PCDHA5: variants seen among roughly 807,000 people sequenced by gnomAD.
The protein encoded by PCDHA5 is protocadherin alpha 5.
In PCDHA5, 43 loss-of-function variants were observed where a neutral mutation model predicts 61.6. The ratio of observed to expected loss-of-function variants is 0.70; its 90% CI spans 0.55 to 0.90. The LOEUF is 0.90. Among genes scored for constraint, PCDHA5 ranks in the 40% least tolerant of loss-of-function variants. PCDHA5 has a pLI of 0.00. For synonymous variants in PCDHA5, 627 were observed against 543.9 expected (o/e 1.15, Z -2.13); for missense variants, 1,298 against 1,222.7 (o/e 1.06, Z -0.92).
rs190430267 is a variant in PCDHA5 at position 140,870,766 on chromosome 5, C to A, written c.2352+46639C>A. The A allele has an allele frequency of 3.4e-4, 554 of 1,613,562 alleles. 3 individuals are homozygous for A. The African/African-American group carries it at 6.6e-3, about 19-fold the overall frequency. On this transcript the variant is annotated intron_variant, in intron 1 of 3. Coordinates refer to ENST00000529859, the MANE Select transcript of PCDHA5 (RefSeq NM_018908.3). ...CAACGTGACGCTGCAGGTGTTCGTG[C>A]TGGACGAGAACGACAACGCGCCGGC...
intron 1 of PCDHA5, chr5:140,930,305 T>C (rs1554207723): frequency 6.6e-6 from 1 of 152,252 alleles, no homozygotes; most frequent in Non-Finnish European, 1.5e-5. Flanking sequence ...TAAGTAAATA[T>C]CATATTTGAG....
At chr5:140,942,160 A>G (rs782205493) in intron 1 of PCDHA5, among the ~76,000 whole-genome samples, 11 of 152,218 alleles carry the variant, frequency 7.2e-5, no homozygotes, top group Non-Finnish European at 1.5e-4. Context: ...AACAGCTTCC[A>G]TATTTCTCTA....
Position 140,848,427 on chromosome 5 carries a change from A to G in PCDHA5, c.2352+24300A>G, listed in dbSNP as rs1781513413. The G allele has an allele frequency of 2.1e-6, 3 of 1,451,764 alleles. No homozygotes were observed. In the African/African-American group the frequency reaches 4.2e-5, roughly 20 times the overall value. The allele number at this position is 1,451,764 out of a possible 1,614,324, so 89.9% of individuals were successfully genotyped here. A position where few individuals can be genotyped will look rare whatever the true frequency, so the allele number is the denominator to read the frequency against. The stretch of plus-strand genomic sequence containing the variant: ...TGGCGAACACAGCAGAATGGGACTG[A>G]CGAAATCAGATGATTTCTTCTAATT... On this transcript the variant is annotated intron_variant, in intron 1 of 3. Coordinates refer to ENST00000529859, the MANE Select transcript of PCDHA5 (RefSeq NM_018908.3).
chr5:140,833,206 T>C (rs1215291957), intron 1 of PCDHA5, among the ~76,000 whole-genome samples: 2 of 151,926 alleles, frequency 1.3e-5, no homozygotes, highest in African/African-American at 4.8e-5. Context: ...GAGAATGAAA[T>C]AGGAATGGAC....
chr5:140,823,307 C>T lies in PCDHA5; in HGVS notation c.1532C>T (p.Ala511Val), dbSNP rs1581794358. ...CTGTCGAGTTACGTTTCGGTGCACG[C>T]GGAGAGCGGCAAGGTGTACGCGCTG... Reference protein sequence around the residue: ...RPLSSYVSVHAESGKVYALQP... With the variant: ...RPLSSYVSVHVESGKVYALQP... Residue 511 changes from alanine (A) to valine (V), a missense_variant, in exon 1 of 4, where the codon GCG (alanine) becomes GTG (valine). Transcript: ENST00000529859. 7 of 1,612,266 alleles carry T rather than the reference C, an allele frequency of 4.3e-6. No homozygotes were observed. In the East Asian group the frequency reaches 8.9e-5, roughly 21 times the overall value.
At chr5:140,946,345 G>A (rs1292610586) in intron 1 of PCDHA5, among the ~76,000 whole-genome samples, 1 of 151,836 alleles carries the variant, frequency 6.6e-6, no homozygotes, top group Non-Finnish European at 1.5e-5. Flanking sequence ...GTGATGGAGA[G>A]GATGTGGAGA....
chr5:140,903,367 T>G (rs1247838310), intron 1 of PCDHA5, among the ~76,000 whole-genome samples: 1 of 152,188 alleles, frequency 6.6e-6, no homozygotes, highest in African/African-American at 2.4e-5. Flanking sequence ...TTCAAAAATA[T>G]AGGGAGGATT....
intron 1 of PCDHA5, among the ~76,000 whole-genome samples, chr5:140,916,305 G>T (rs2077519382): frequency 1.3e-5 from 2 of 152,156 alleles, no homozygotes; most frequent in South Asian, 2.1e-4. Context: ...TGGTACCAAA[G>T]GTGCAAGACA....
chr5:140,823,190 A>G lies in PCDHA5; in HGVS notation c.1415A>G (p.His472Arg). 2 of 1,613,854 alleles carry G rather than the reference A, an allele frequency of 1.2e-6. No individual in the cohort carries two copies. The highest frequency in any genetic ancestry group is 1.1e-5 in the South Asian group (1 of 91,074). ...FVKENNPPGC[H>R]IFTVSARDAD... ...AAGGAGAACAACCCGCCAGGCTGCC[A>G]CATCTTCACGGTGTCTGCACGGGAC... Residue 472 changes from histidine (H) to arginine (R), a missense_variant, in exon 1 of 4, where the codon CAC becomes CGC. Transcript: ENST00000529859.
chr5:140,989,842 G>A (rs1411244835), intron 3 of PCDHA5, among the ~76,000 whole-genome samples: 1 of 152,178 alleles, frequency 6.6e-6, no homozygotes, highest in Non-Finnish European at 1.5e-5. Context: ...GTCAATGAGT[G>A]TGTGGACTGG....
chr5:140,981,502 A>G (rs2096935392), intron 2 of PCDHA5, among the ~76,000 whole-genome samples: 2 of 152,218 alleles, frequency 1.3e-5, no homozygotes, highest in Non-Finnish European at 2.9e-5. Flanking sequence ...TGAACCTGGG[A>G]GGCAGAGGTT....
rs116160554 is a variant in PCDHA5, at chr5:140,845,319, C to A, written c.2352+21192C>A. Among the ~76,000 whole-genome samples the A allele has an allele frequency of 3.7e-3, 557 of 149,574 alleles. 34 individuals carry two copies. Among genetic ancestry groups the A allele is most frequent in the African/African-American group, 0.011 (448 of 40,946 alleles). ...ATGTCTACCTGGTTCTCAGGTATTA[C>A]TTTAATTACTGAATTCTCCTAAACA... On this transcript the variant is annotated intron_variant, in intron 1 of 3. Coordinates refer to ENST00000529859, the MANE Select transcript of PCDHA5 (RefSeq NM_018908.3).
At chr5:140,856,659 A>C in intron 1 of PCDHA5, 1 of 1,598,186 alleles carries the variant, frequency 6.3e-7, no homozygotes, top group Non-Finnish European at 8.6e-7. Context: ...CGTGAAGAAA[A>C]TCCTCAGCTA....
chr5:140,842,803 T>A, intron 1 of PCDHA5: 2 of 1,594,132 alleles, frequency 1.3e-6, no homozygotes, highest in Non-Finnish European at 8.6e-7. Flanking sequence ...CCTACTCGCT[T>A]GTGGAGCGGC....
intron 1 of PCDHA5, among the ~76,000 whole-genome samples, chr5:140,912,002 A>T (rs1452427916): frequency 6.6e-6 from 1 of 152,236 alleles, no homozygotes; most frequent in Non-Finnish European, 1.5e-5. Flanking sequence ...ACAATAGGCC[A>T]TCTGCAAGCT....
At chr5:140,884,267 T>C in intron 1 of PCDHA5, 3 of 1,613,566 alleles carry the variant, frequency 1.9e-6, no homozygotes, top group South Asian at 1.1e-5. Context: ...AACGGTGCTG[T>C]TGTCGCTGGT....
At chr5:140,938,174 G>A (rs1394846002) in intron 1 of PCDHA5, among the ~76,000 whole-genome samples, 3 of 152,200 alleles carry the variant, frequency 2.0e-5, no homozygotes, top group Admixed American at 6.5e-5. Context: ...TGGAGCTCCT[G>A]GGCTCAAGCA....
In PCDHA5 at chr5:141,010,237, G is replaced by C; in HGVS notation, c.*300G>C. 2.6e-6 allele frequency: 4 copies of C among 1,551,914 alleles called. No individual in the cohort carries two copies. The highest frequency in any genetic ancestry group is 3.5e-6 in the Non-Finnish European group (4 of 1,147,042). On this transcript the variant is annotated 3_prime_UTR_variant, in exon 4 of 4. Coordinates refer to ENST00000529859, the MANE Select transcript of PCDHA5 (RefSeq NM_018908.3). ...AGAGGCTTCCCAGCCCCGCCAGTGA[G>C]AGGTTGGACTCTCTGCCCTGTGCTC...
Position 141,011,309 on chromosome 5 carries a change from A to G in PCDHA5, c.*1372A>G, listed in dbSNP as rs374038361. On this transcript the variant is annotated 3_prime_UTR_variant, in exon 4 of 4. Coordinates refer to ENST00000529859, the MANE Select transcript of PCDHA5 (RefSeq NM_018908.3). ...CTTTTCTATAACACTCTGAATTGCTAATCTTACTAACACCTATGATGTTAC... is the reference window on the plus strand; with the variant it reads ...CTTTTCTATAACACTCTGAATTGCTGATCTTACTAACACCTATGATGTTAC... 9.8e-5 allele frequency: 15 copies of G among 153,742 alleles called. No homozygotes were observed. The highest frequency in any genetic ancestry group is 1.9e-4 in the Non-Finnish European group (13 of 68,036). 9.5% of individuals were successfully genotyped at this position (153,742 alleles called of 1,614,324 possible). A position where few individuals can be genotyped will look rare whatever the true frequency, so the allele number is the denominator to read the frequency against.
Sources: gnomAD v4.1 joint callset for allele counts (sites outside exome capture counted in the v4.1 genomes callset) on GRCh38, gnomAD v4.1.1 for gene constraint, MANE v1.5 for transcripts, NCBI Gene and HGNC (gene_info 2026-07-23, HGNC 2026-07-21) for gene names.